GBF1: variants seen among roughly 807,000 people sequenced by gnomAD.
GBF1 encodes the protein Golgi-specific brefeldin A-resistance guanine nucleotide exchange factor 1.
Under a neutral mutation model 210.5 loss-of-function variants are expected in GBF1, and 114 were observed. The observed-to-expected ratio is 0.54, with a 90% CI of 0.47 to 0.63. The LOEUF (loss-of-function observed/expected upper bound fraction) is 0.63, where lower values mean the gene tolerates loss of function less well. GBF1 is among the 30% of genes least tolerant of loss of function. GBF1 has a pLI of 0.00. For missense variants in GBF1, 1,851 were observed against 2,357.7 expected (o/e 0.79, Z 4.45); for synonymous variants, 850 against 889.2 (o/e 0.96, Z 0.78).
chr10:102,317,283 C>T (rs1348498029), intron 3 of GBF1, among the ~76,000 whole-genome samples: 1 of 152,092 alleles, frequency 6.6e-6, no homozygotes, highest in African/African-American at 2.4e-5. Flanking sequence ...AATAATAGCC[C>T]ATGTCTACAT....
chr10:102,313,493 T>C (rs1215063883), intron 3 of GBF1, among the ~76,000 whole-genome samples: 1 of 152,162 alleles, frequency 6.6e-6, no homozygotes, highest in Non-Finnish European at 1.5e-5. Flanking sequence ...TATTGCAGGT[T>C]ATTTATGAGC....
At chr10:102,351,124 C>A in intron 4 of GBF1, 132 bp from the exon 5 acceptor site, 2 of 534,264 alleles carry the variant, frequency 3.7e-6, no homozygotes, top group Non-Finnish European at 6.7e-6. Flanking sequence ...GGCAAAAATT[C>A]TCAGGTAGCT....
rs192386391 is a variant in GBF1, at chr10:102,319,277, G to A, written c.164-24774G>A. Among the ~76,000 whole-genome samples the A allele has an allele frequency of 6.2e-4, 94 of 152,102 alleles. 1 individual carries two copies. In the East Asian group the frequency reaches 0.018, roughly 28 times the overall value. ...GGAGCTTGCAGTGAGCCGAGATCGC[G>A]CCACTGCACTCCAGCCTGGGTGACA... is the stretch of plus-strand genomic sequence containing the variant. On this transcript the variant is annotated intron_variant, in intron 3 of 39. Coordinates refer to ENST00000369983, the MANE Select transcript of GBF1 (RefSeq NM_001377137.1).
At position 102,380,684 on chromosome 10, in the gene GBF1, A is replaced by G. The variant is rs1233599821; in HGVS notation, c.5171A>G (p.Gln1724Arg). 1.2e-6 allele frequency: 2 copies of G among 1,606,420 alleles called. No homozygotes were observed. The highest frequency in any genetic ancestry group is 1.1e-5 in the South Asian group (1 of 90,126). The change falls in exon 38 of 40, where the codon CAG (glutamine) becomes CGG (arginine). Residue 1724 changes from glutamine (Q) to arginine (R), a missense_variant and splice_region_variant. This residue lies in a region of GBF1 where 967 missense variants were observed against 1,247.7 expected (regional missense o/e 0.78). Coordinates refer to ENST00000369983, the MANE Select transcript of GBF1 (RefSeq NM_001377137.1). The stretch of plus-strand genomic sequence containing the variant: ...GAACTCTTCAAGCAGACCGTCATCC[A>G]GGGTAGGGGGCTCAGCCCAGCTTTA... ...RDELFKQTVIQDPMPMEPQGQ... is the reference protein window; with the variant it reads ...RDELFKQTVIRDPMPMEPQGQ...
chr10:102,379,517 T>C lies in GBF1; in HGVS notation c.4646-4T>C, dbSNP rs2060711616. The stretch of plus-strand genomic sequence containing the variant: ...AAGGATCCTGACCCTGCTCTTGCTC[T>C]CAGGTATTGCCTGCCTGTGCTGCGA... On this transcript the variant is annotated splice_region_variant and splice_polypyrimidine_tract_variant and intron_variant, in intron 34 of 39. Coordinates refer to ENST00000369983, the MANE Select transcript of GBF1 (RefSeq NM_001377137.1). 3 of 1,614,116 alleles carry C rather than the reference T, an allele frequency of 1.9e-6. No individual in the cohort carries two copies. Among genetic ancestry groups the C allele is most frequent in the Admixed American group, 3.3e-5 (2 of 60,012 alleles).
At chr10:102,253,936 G>T (rs1176976309) in intron 1 of GBF1, among the ~76,000 whole-genome samples, 3 of 152,102 alleles carry the variant, frequency 2.0e-5, no homozygotes, top group Non-Finnish European at 4.4e-5. Flanking sequence ...TTTATTTGCT[G>T]TTTATGTTTC....
At chr10:102,327,537 A>G (rs1166654699) in intron 3 of GBF1, among the ~76,000 whole-genome samples, 1 of 152,204 alleles carries the variant, frequency 6.6e-6, no homozygotes, top group African/African-American at 2.4e-5. Flanking sequence ...TTGGGAGTGA[A>G]GGACTTACAG....
chr10:102,240,349 T>C, the GBF1 span, among the ~76,000 whole-genome samples: 1 of 152,264 alleles, frequency 6.6e-6, no homozygotes, highest in Non-Finnish European at 1.5e-5. Flanking sequence ...TGCTCTGATC[T>C]ATTCTGAATT....
chr10:102,231,188 G>A, the GBF1 span: 5 of 1,293,094 alleles, frequency 3.9e-6, no homozygotes, highest in Non-Finnish European at 5.1e-6. Flanking sequence ...CTTCCAGCCG[G>A]GGCCCTGCGG....
chr10:102,233,653 G>A, the GBF1 span, among the ~76,000 whole-genome samples: 1 of 152,096 alleles, frequency 6.6e-6, no homozygotes, highest in Non-Finnish European at 1.5e-5. Context: ...AAGGTAACAA[G>A]ATCAAACACA....
chr10:102,260,712 A>G (rs1199711929), intron 3 of GBF1, among the ~76,000 whole-genome samples: 1 of 151,642 alleles, frequency 6.6e-6, no homozygotes, highest in Non-Finnish European at 1.5e-5. Context: ...TCCTGGCCTC[A>G]GGTGATCCAC....
chr10:102,359,489 C>G, intron 11 of GBF1, 54 bp downstream of exon 11: 1 of 1,341,704 alleles, frequency 7.5e-7, no homozygotes, highest in Non-Finnish European at 1.1e-6. Context: ...ACCTACTAAG[C>G]TGCCTGAGCC....
chr10:102,290,732 T>C (rs2076365784), intron 3 of GBF1, among the ~76,000 whole-genome samples: 1 of 152,184 alleles, frequency 6.6e-6, no homozygotes, highest in Non-Finnish European at 1.5e-5. Flanking sequence ...CTCAAACTCC[T>C]GGGCTAAAGC....
Position 102,361,775 on chromosome 10 carries a change from G to A in GBF1, c.1549G>A (p.Glu517Lys). The change falls in exon 14 of 40, where the codon GAG becomes AAG. Residue 517 changes from glutamate to lysine, a missense_variant. Coordinates refer to ENST00000369983, the MANE Select transcript of GBF1 (RefSeq NM_001377137.1). The stretch of plus-strand genomic sequence containing the variant: ...TGTGGAGAACCCCAAGATGCCTTAT[G>A]AGATGAAGGAGATGGCACTGGAGGC... ...ITVENPKMPYEMKEMALEAIV... is the reference protein window; with the variant it reads ...ITVENPKMPYKMKEMALEAIV... 2 of 1,613,468 alleles carry A rather than the reference G, an allele frequency of 1.2e-6. No homozygotes were observed. Among genetic ancestry groups the A allele is most frequent in the Non-Finnish European group, 1.7e-6 (2 of 1,179,540 alleles).
At chr10:102,314,246 A>C (rs2078738674) in intron 3 of GBF1, among the ~76,000 whole-genome samples, 1 of 151,154 alleles carries the variant, frequency 6.6e-6, no homozygotes, top group Non-Finnish European at 1.5e-5. Flanking sequence ...CCTGGGCTCA[A>C]GTGATCCTCC....
At chr10:102,271,130 T>C (rs181663040) in intron 3 of GBF1, among the ~76,000 whole-genome samples, 1,870 of 151,636 alleles carry the variant, frequency 0.012, 32 homozygotes, top group African/African-American at 0.043. Context: ...CTCCGCCTCC[T>C]GGGTTCATGC....
At chr10:102,287,307 C>CA (rs1390454516) in intron 3 of GBF1, among the ~76,000 whole-genome samples, 12 of 137,174 alleles carry the variant, frequency 8.7e-5, no homozygotes, top group Non-Finnish European at 1.6e-4. Context: ...AATTAAAAAA[C>CA]AAAAAAAATT....
chr10:102,332,322 G>T (rs111409444), intron 3 of GBF1, among the ~76,000 whole-genome samples: 6 of 151,742 alleles, frequency 4.0e-5, no homozygotes, highest in Non-Finnish European at 8.8e-5. Context: ...GAATATTTTT[G>T]ATCTGTGGTT....
chr10:102,356,873 TAG>T (rs1402851050), intron 8 of GBF1, among the ~76,000 whole-genome samples: 1 of 151,216 alleles, frequency 6.6e-6, no homozygotes, highest in East Asian at 1.9e-4. Flanking sequence ...AAACAGGTGA[TAG>T]AGATTGTCCC....
Sources: allele counts gnomAD v4.1 joint callset (sites outside exome capture counted in the v4.1 genomes callset), GRCh38; gene constraint gnomAD v4.1.1; regional missense constraint gnomAD v4.1.1; transcripts MANE v1.5; gene names NCBI Gene and HGNC (gene_info 2026-07-23, HGNC 2026-07-21).